Variants in ZFP90 observed in about 807,000 individuals in gnomAD.
ZFP90 encodes zinc finger protein 90 homolog.
ZFP90 carries 38 observed loss-of-function variants against 60.8 expected under a neutral mutation model. The ratio of observed to expected loss-of-function variants is 0.62; its 90% confidence interval spans 0.48 to 0.82. The LOEUF (loss-of-function observed/expected upper bound fraction) is 0.82. Among genes scored for constraint, ZFP90 ranks in the 40% least tolerant of loss-of-function variants. The pLI is 0.00. For missense variants in ZFP90, 711 were observed against 759.1 expected, an observed-to-expected ratio of 0.94 and a Z score of 0.74; for synonymous variants, 287 against 264.8, an observed-to-expected ratio of 1.08 and a Z score of -0.82.
intron 2 of ZFP90, among the ~76,000 whole-genome samples, chr16:68,545,533 A>G (rs1447759238): frequency 6.6e-6 from 1 of 152,064 alleles, no homozygotes; most frequent in East Asian, 1.9e-4. Context: ...AACTGTTTCA[A>G]GCCAGGCGCA....
chr16:68,554,868 G>T (rs1045174102), intron 2 of ZFP90, among the ~76,000 whole-genome samples: 8 of 152,148 alleles, frequency 5.3e-5, no homozygotes, highest in Non-Finnish European at 1.0e-4. Flanking sequence ...TCCTGGTTGG[G>T]CAATGACTAT....
At chr16:68,557,870 C>G (rs2091370746) in intron 2 of ZFP90, 128 bp from the exon 3 acceptor site, 20 of 1,282,552 alleles carry the variant, frequency 1.6e-5, no homozygotes, top group Middle Eastern at 2.4e-4. Context: ...TTATGTAACC[C>G]AACATTGCCT....
upstream of ZFP90, chr16:68,539,198 C>CGG (rs1364624977): frequency 1.3e-5 from 2 of 152,366 alleles, no homozygotes; most frequent in African/African-American, 4.8e-5. Flanking sequence ...GCCGCCTAGG[C>CGG]GGGGCCTGCG....
chr16:68,571,293 C>T (rs564609271), downstream of ZFP90, among the ~76,000 whole-genome samples: 4 of 152,258 alleles, frequency 2.6e-5, no homozygotes, highest in East Asian at 1.9e-4. Context: ...TCAGAAGTCA[C>T]ATGGTGGATT....
In ZFP90 at chr16:68,564,597, A is replaced by G. The variant is rs2091493845; in HGVS notation, c.1810A>G (p.Thr604Ala). 3 of 1,614,146 alleles carry G rather than the reference A, an allele frequency of 1.9e-6. No homozygotes were observed. Among genetic ancestry groups the G allele is most frequent in the Non-Finnish European group, 2.5e-6 (3 of 1,180,002 alleles). The change falls in exon 5 of 5, where the codon ACT (threonine) becomes GCT (alanine). Residue 604 changes from threonine (T) to alanine (A), a missense_variant. Transcript: ENST00000563169. ...CCTGCATGATCATCAGAGAATTCAT[A>G]CTGGAGAAAAACCCTATTCTTGTAA... ...TNLHDHQRIH[T>A]GEKPYSCKEC...
In ZFP90 at chr16:68,539,815, C is replaced by T; in HGVS notation, c.23C>T (p.Ala8Val). 6.2e-7 allele frequency: 1 copy of T among 1,605,792 alleles called. No individual in the cohort carries two copies. The highest frequency in any genetic ancestry group is 8.5e-7 in the Non-Finnish European group (1 of 1,177,696). MAPRPPT[A>V]APQESVTFKD... is the part of the protein sequence containing the mutation. ...GGAATGGCCCCGAGGCCTCCGACCGCCGCGCCCCAGGTGAGCAACGCGTTC... is the reference window on the plus strand; with the variant it reads ...GGAATGGCCCCGAGGCCTCCGACCGTCGCGCCCCAGGTGAGCAACGCGTTC... Residue 8 changes from alanine to valine, a missense_variant, in exon 2 of 5, where the codon GCC becomes GTC. Ala to Val is a moderately conservative substitution (Grantham distance 64). Transcript: ENST00000563169.
In ZFP90 at chr16:68,566,059, G is replaced by C. The variant is rs938946254; in HGVS notation, c.*1361G>C. The C allele has an allele frequency of 1.1e-6, 1 of 943,138 alleles. No individual in the cohort carries two copies. Among genetic ancestry groups the C allele is most frequent in the Non-Finnish European group, 1.3e-6 (1 of 791,442 alleles). The allele number at this position is 943,138 out of a possible 1,614,324, so 58.4% of individuals were successfully genotyped here. A position where few individuals can be genotyped will look rare whatever the true frequency, so the allele number is the denominator to read the frequency against. The stretch of plus-strand genomic sequence containing the variant: ...TGAGGTGGGAGGATCACTGGAACCC[G>C]GGAGCAGAGACTGCAGTGAGCTGAG... On this transcript the variant is annotated 3_prime_UTR_variant, in exon 5 of 5. Transcript: ENST00000563169.
At chr16:68,560,537 T>TTGATTTTGTTTGTTTG (rs149308667) in intron 4 of ZFP90, among the ~76,000 whole-genome samples, 1 of 147,228 alleles carries the variant, frequency 6.8e-6, no homozygotes, top group Middle Eastern at 3.4e-3. Flanking sequence ...CCACACTGGA[T>TTGATTTTGTTTGTTTG]TTTATTTATT....
chr16:68,559,090 C>A (rs1002507392), intron 4 of ZFP90, among the ~76,000 whole-genome samples: 5 of 152,134 alleles, frequency 3.3e-5, no homozygotes, highest in Admixed American at 3.3e-4. Flanking sequence ...CAGTTCCTCG[C>A]TTGTTAAGAG....
chr16:68,541,942 C>G (rs1450647642), intron 2 of ZFP90, among the ~76,000 whole-genome samples: 1 of 152,180 alleles, frequency 6.6e-6, no homozygotes, highest in Non-Finnish European at 1.5e-5. Flanking sequence ...CAGTTGCATT[C>G]TCATTGAATG....
At chr16:68,544,803 T>A (rs1186091483) in intron 2 of ZFP90, among the ~76,000 whole-genome samples, 1 of 150,712 alleles carries the variant, frequency 6.6e-6, no homozygotes, top group African/African-American at 2.4e-5. Flanking sequence ...CAGCTGAGAT[T>A]GCACCTTCCC....
Position 68,564,230 on chromosome 16 carries a change from G to T in ZFP90, c.1443G>T (p.Glu481Asp). The change falls in exon 5 of 5, where the codon GAG (glutamate) becomes GAT (aspartate). Residue 481 changes from glutamate to aspartate, a missense_variant. This residue lies in a region of ZFP90 where 295 missense variants were observed against 274.0 expected (regional missense o/e 1.08). Coordinates refer to ENST00000563169, the MANE Select transcript of ZFP90 (RefSeq NM_001305203.2). ...IHTAENPYDC[E>D]QAFSQQAISH... The stretch of plus-strand genomic sequence containing the variant: ...CTGCAGAGAACCCCTATGATTGTGA[G>T]CAGGCTTTTAGTCAGCAAGCTATTT... 1 of 1,613,860 alleles carries T rather than the reference G, an allele frequency of 6.2e-7. No individual in the cohort carries two copies. Among genetic ancestry groups the T allele is most frequent in the Non-Finnish European group, 8.5e-7 (1 of 1,179,954 alleles).
chr16:68,564,447 G>C lies in ZFP90; in HGVS notation c.1660G>C (p.Glu554Gln), dbSNP rs2091491191. 13 of 1,613,792 alleles carry C rather than the reference G, an allele frequency of 8.1e-6. No individual in the cohort carries two copies. Among genetic ancestry groups the C allele is most frequent in the Non-Finnish European group, 1.1e-5 (13 of 1,179,934 alleles). The change falls in exon 5 of 5, where the codon GAA becomes CAA. Residue 554 changes from glutamate (E) to glutamine (Q), a missense_variant. Glu to Gln is a conservative substitution (Grantham distance 29, BLOSUM62 2). Around this residue, in one of 5 missense-constraint regions of ZFP90, gnomAD observed 295 missense variants for 274.0 expected, o/e 1.08. Coordinates refer to ENST00000563169, the MANE Select transcript of ZFP90 (RefSeq NM_001305203.2). ...ERTHTGEKPY[E>Q]CIDCGKAFSQ... ...AACCCACACTGGAGAGAAACCCTAT[G>C]AATGTATTGACTGTGGGAAAGCCTT...
chr16:68,561,993 TTTG>T (rs1487116058), intron 4 of ZFP90: 3 of 152,240 alleles, frequency 2.0e-5, no homozygotes, highest in Non-Finnish European at 2.9e-5. Context: ...TTTTATTTGC[TTTG>T]TTAACATGTG....
chr16:68,560,545 A>G (rs112827468), intron 4 of ZFP90, among the ~76,000 whole-genome samples: 5,119 of 149,272 alleles, frequency 0.034, 274 homozygotes, highest in African/African-American at 0.12. Context: ...GATTTTATTT[A>G]TTTATTTATT....
At chr16:68,558,379 C>A in intron 3 of ZFP90, 94 bp from the exon 4 acceptor site, 1 of 1,259,148 alleles carries the variant, frequency 7.9e-7, no homozygotes, top group Non-Finnish European at 1.2e-6. Flanking sequence ...CTTCAGAGTT[C>A]CTGAGGATCA....
chr16:68,535,409 C>T (rs1749793), upstream of ZFP90: 122,189 of 152,092 alleles, frequency 0.8, 49,271 homozygotes, highest in African/African-American at 0.87. Flanking sequence ...CCAATTTTTA[C>T]TGGGTGGGGT....
chr16:68,558,307 T>G, intron 3 of ZFP90, 166 bp from the exon 4 acceptor site: 1 of 1,175,370 alleles, frequency 8.5e-7, no homozygotes, highest in Non-Finnish European at 1.2e-6. Context: ...AAGGTCTTTA[T>G]TTTGCAAAAC....
chr16:68,575,749 T>G, intron 2 of ZFP90: 4 of 398,110 alleles, frequency 1.0e-5, no homozygotes, highest in Non-Finnish European at 1.8e-5. Flanking sequence ...GTCTTCAGCT[T>G]GAAGGTTGGG....
Sources: allele counts gnomAD v4.1 joint callset (sites outside exome capture counted in the v4.1 genomes callset), GRCh38; gene constraint gnomAD v4.1.1; regional missense constraint gnomAD v4.1.1; transcripts MANE v1.5; gene names NCBI Gene and HGNC (gene_info 2026-07-23, HGNC 2026-07-21).